SFMBT2: variants seen among roughly 807,000 people sequenced by gnomAD.
SFMBT2 encodes Scm like with four mbt domains 2, also known as scm-like with four MBT domains protein 2.
SFMBT2 carries 38 observed loss-of-function variants against 110.1 expected under a neutral mutation model. The ratio of observed to expected loss-of-function variants is 0.35; its 90% CI spans 0.27 to 0.45. The LOEUF is 0.45. Ranked by LOEUF, SFMBT2 falls within the 20% of genes least tolerant of loss-of-function variation. The probability of loss-of-function intolerance (pLI) is 1.00; values close to 1 mark genes in which losing one functional copy is unlikely to be tolerated. For missense variants in SFMBT2, 1,011 were observed against 1,094.9 expected (o/e 0.92, Z 1.08); for synonymous variants, 425 against 425.4 (o/e 1.00, Z 0.01).
intron 1 of SFMBT2, among the ~76,000 whole-genome samples, chr10:7,382,642 C>G (rs967188362): frequency 3.3e-5 from 5 of 152,080 alleles, no homozygotes; most frequent in East Asian, 1.9e-4. Context: ...CTCCACCCCC[C>G]ACACAACCTC....
chr10:7,400,484 A>G (rs1369800199), intron 1 of SFMBT2, among the ~76,000 whole-genome samples: 3 of 152,160 alleles, frequency 2.0e-5, no homozygotes, highest in African/African-American at 7.2e-5. Flanking sequence ...AGAAGGCGAG[A>G]AGAGAAAAAA....
rs142364318 is a variant in SFMBT2, at chr10:7,204,335, T to C, written c.1444+1480A>G. ...CAATGGAACTGTGTTTCCAGCAACGTTGTGAGAGTCTACAGAAGTGGCCAC... is the reference window on the plus strand; with the variant it reads ...CAATGGAACTGTGTTTCCAGCAACGCTGTGAGAGTCTACAGAAGTGGCCAC... On this transcript the variant is annotated intron_variant, in intron 12 of 20. Coordinates refer to ENST00000397167, the MANE Select transcript of SFMBT2 (RefSeq NM_001387889.1). 365 of 985,258 alleles carry C rather than the reference T, an allele frequency of 3.7e-4. 3 individuals are homozygous for C. In the South Asian group the frequency reaches 3.9e-3, roughly 10 times the overall value. The allele number at this position is 985,258 out of a possible 1,614,324, so 61.0% of individuals were successfully genotyped here. A position where few individuals can be genotyped will look rare whatever the true frequency, so the allele number is the denominator to read the frequency against.
chr10:7,378,997 C>A (rs889151893), intron 2 of SFMBT2, among the ~76,000 whole-genome samples: 1 of 152,104 alleles, frequency 6.6e-6, no homozygotes, highest in Non-Finnish European at 1.5e-5. Context: ...CCTTGTCGTC[C>A]AGTCTCCTCA....
chr10:7,234,607 T>C (rs553396554), intron 9 of SFMBT2, among the ~76,000 whole-genome samples: 1 of 152,254 alleles, frequency 6.6e-6, no homozygotes, highest in African/African-American at 2.4e-5. Context: ...CTCTTTTCAA[T>C]CAAAAGTGAC....
intron 9 of SFMBT2, among the ~76,000 whole-genome samples, chr10:7,228,704 TTTCTTTC>T: frequency 7.4e-6 from 1 of 134,674 alleles, no homozygotes; most frequent in Non-Finnish European, 1.6e-5. Flanking sequence ...TCTTTCTTTC[TTTCTTTC>T]TTTCTTTCTT....
intron 7 of SFMBT2, among the ~76,000 whole-genome samples, chr10:7,269,062 A>G (rs1272365641): frequency 6.6e-6 from 1 of 151,992 alleles, no homozygotes; most frequent in African/African-American, 2.4e-5. Context: ...AAAAAAAGTC[A>G]TTATTTATTT....
intron 4 of SFMBT2, among the ~76,000 whole-genome samples, chr10:7,317,414 G>A (rs1001772586): frequency 1.2e-4 from 19 of 152,036 alleles, no homozygotes; most frequent in African/African-American, 3.6e-4. Context: ...AGGCCAAAGC[G>A]GGCAGATCAC....
At chr10:7,386,933 G>A (rs1433452223) in intron 1 of SFMBT2, among the ~76,000 whole-genome samples, 1 of 152,174 alleles carries the variant, frequency 6.6e-6, no homozygotes, top group Non-Finnish European at 1.5e-5. Flanking sequence ...AGCCGCTAGT[G>A]GTGGGGCTGC....
chr10:7,196,063 C>T (rs1162219438), intron 15 of SFMBT2, among the ~76,000 whole-genome samples: 1 of 152,128 alleles, frequency 6.6e-6, no homozygotes, highest in African/African-American at 2.4e-5. Context: ...CCTTCAATGG[C>T]CTCTTTCTCC....
intron 4 of SFMBT2, among the ~76,000 whole-genome samples, chr10:7,322,632 T>C (rs536999266): frequency 2.0e-5 from 3 of 147,078 alleles, no homozygotes; most frequent in East Asian, 3.9e-4. Context: ...CACACACACA[T>C]ACACAGCACA....
At chr10:7,309,264 G>A (rs867930298) in intron 4 of SFMBT2, among the ~76,000 whole-genome samples, 2 of 152,228 alleles carry the variant, frequency 1.3e-5, no homozygotes, top group South Asian at 4.1e-4. Context: ...GTCGGTCTTT[G>A]TCACTGTTAT....
rs116033807 is a variant in SFMBT2 at position 7,174,806 on chromosome 10, C to T, written c.1984+1184G>A. ...TGCAGTGATGGAGAAACAAGCTCTT[C>T]CGGAACCAGGTGACCTGCTGGGCCA... On this transcript the variant is annotated intron_variant, in intron 17 of 20. Coordinates refer to ENST00000397167, the MANE Select transcript of SFMBT2 (RefSeq NM_001387889.1). Among the ~76,000 whole-genome samples the T allele has an allele frequency of 7.1e-3, 1,080 of 152,332 alleles. 12 individuals carry two copies. The highest frequency in any genetic ancestry group is 0.025 in the African/African-American group (1,022 of 41,576).
intron 10 of SFMBT2, among the ~76,000 whole-genome samples, chr10:7,223,982 A>G (rs1248498840): frequency 6.6e-6 from 1 of 152,104 alleles, no homozygotes; most frequent in East Asian, 1.9e-4. Context: ...GCTCATTCCA[A>G]CACCTGGGTC....
At chr10:7,342,609 C>CTGTGTTAG (rs1394384406) in intron 4 of SFMBT2, among the ~76,000 whole-genome samples, 2 of 151,768 alleles carry the variant, frequency 1.3e-5, no homozygotes, top group African/African-American at 2.4e-5. Context: ...CAGGGTTTCA[C>CTGTGTTAG]CATGGTCTCG....
At chr10:7,279,938 A>G (rs1485883968) in intron 6 of SFMBT2, among the ~76,000 whole-genome samples, 1 of 152,228 alleles carries the variant, frequency 6.6e-6, no homozygotes, top group East Asian at 1.9e-4. Flanking sequence ...AACGTCAGAG[A>G]AAGTGTTATG....
intron 4 of SFMBT2, among the ~76,000 whole-genome samples, chr10:7,358,361 C>T (rs1844593448): frequency 6.6e-6 from 1 of 151,812 alleles, no homozygotes; most frequent in Non-Finnish European, 1.5e-5. Context: ...CAACATGGCC[C>T]TAGAACATCT....
chr10:7,382,514 A>G (rs928150944), intron 1 of SFMBT2, among the ~76,000 whole-genome samples: 1 of 152,200 alleles, frequency 6.6e-6, no homozygotes, highest in Non-Finnish European at 1.5e-5. Context: ...TCTAGAGGTC[A>G]TTATCACCAC....
chr10:7,387,814 C>T (rs1303889009), intron 1 of SFMBT2, among the ~76,000 whole-genome samples: 1 of 150,068 alleles, frequency 6.7e-6, no homozygotes, highest in Non-Finnish European at 1.5e-5. Flanking sequence ...TGGGTATGGT[C>T]GTGTGCACCT....
At chr10:7,262,625 T>G (rs929109411) in intron 7 of SFMBT2, among the ~76,000 whole-genome samples, 1 of 152,202 alleles carries the variant, frequency 6.6e-6, no homozygotes, top group Non-Finnish European at 1.5e-5. Context: ...ATTCTTAAAT[T>G]CTTAACGTTT....
Sources: allele counts gnomAD v4.1 joint callset (sites outside exome capture counted in the v4.1 genomes callset), GRCh38; gene constraint gnomAD v4.1.1; transcripts MANE v1.5; gene names NCBI Gene and HGNC (gene_info 2026-07-23, HGNC 2026-07-21).